DOT1L: variants seen among roughly 807,000 people sequenced by gnomAD.
DOT1L encodes histone-lysine N-methyltransferase, H3 lysine-79 specific.
In DOT1L, 33 loss-of-function variants were observed where a neutral mutation model predicts 153.3. That is an observed-to-expected ratio of 0.22 (90% CI 0.16 to 0.29). The LOEUF is 0.29. Among genes scored for constraint, DOT1L ranks in the 10% least tolerant of loss-of-function variants. The pLI is 1.00. For synonymous variants in DOT1L, 1,135 were observed against 965.1 expected, an observed-to-expected ratio of 1.18 and a Z score of -3.26; for missense variants, 1,847 against 2,119.9, an observed-to-expected ratio of 0.87 and a Z score of 2.53.
rs1277475130 is a variant in DOT1L, at chr19:2,211,148, G to A, written c.1401G>A (p.Val467=). The part of the protein sequence containing the change: ...HSPFYQLPPS[V]QRHSPNPLLV... The stretch of plus-strand genomic sequence containing the variant: ...CGTTCTACCAGCTACCTCCGAGCGT[G>A]CAGCGGCACTCCCCCAACCCGCTGC... Residue 467 remains valine (V), a synonymous_variant, in exon 15 of 28, where the codon GTG becomes GTA. Coordinates refer to ENST00000398665, the MANE Select transcript of DOT1L (RefSeq NM_032482.3). The A allele has an allele frequency of 6.2e-7, 1 of 1,612,848 alleles. No individual in the cohort carries two copies. Among genetic ancestry groups the A allele is most frequent in the African/African-American group, 1.3e-5 (1 of 74,930 alleles).
Position 2,230,212 on chromosome 19 carries a change from A to G in DOT1L, c.*420A>G, listed in dbSNP as rs1268863469. On this transcript the variant is annotated 3_prime_UTR_variant, in exon 28 of 28. Transcript: ENST00000398665. ...TGCCTCCACCCGCTTGGTGCTGACT[A>G]GACGCTGACAACGCCGAACCCCGTT... 7.1e-6 allele frequency: 3 copies of G among 422,260 alleles called. No individual in the cohort carries two copies. The highest frequency in any genetic ancestry group is 2.1e-5 in the African/African-American group (1 of 48,684). The allele number at this position is 422,260 out of a possible 1,614,324, so 26.2% of individuals were successfully genotyped here. A position where few individuals can be genotyped will look rare whatever the true frequency, so the allele number is the denominator to read the frequency against.
chr19:2,210,333 CCT>C, intron 12 of DOT1L, 65 bp from the exon 13 acceptor site: 2 of 1,361,944 alleles, frequency 1.5e-6, no homozygotes, highest in Non-Finnish European at 1.9e-6. Flanking sequence ...GCTCCGCGTG[CCT>C]CTCGGTGCAG....
At chr19:2,219,995 C>A (rs923922753) in intron 22 of DOT1L, 113 bp from the exon 23 acceptor site, 1 of 936,944 alleles carries the variant, frequency 1.1e-6, no homozygotes, top group Admixed American at 2.6e-5. Context: ...TGGACGGTGA[C>A]CCCGGCGGCC....
intron 9 of DOT1L, 56 bp downstream of exon 9, chr19:2,202,835 C>T (rs563400344): frequency 8.2e-6 from 13 of 1,584,678 alleles, no homozygotes; most frequent in Admixed American, 3.3e-5. Flanking sequence ...GGAAGGGTGG[C>T]CAGGAGGTCC....
In DOT1L at chr19:2,217,534, G is replaced by A. The variant is rs1238352204; in HGVS notation, c.2545-238G>A. On this transcript the variant is annotated intron_variant, in intron 21 of 27. Transcript: ENST00000398665. This position sits in a 1 kb window ranked among gnomAD's most constrained non-coding sequence, Gnocchi z 7.3. Reference sequence around the variant, plus strand: ...CGGGTGACTGCCCACCGAGCCGGGCGGGCAGGCTGGAGGGGACAGATGGGC... The same window carrying A: ...CGGGTGACTGCCCACCGAGCCGGGCAGGCAGGCTGGAGGGGACAGATGGGC... 2.6e-5 allele frequency among the ~76,000 whole-genome samples: 4 copies of A among 152,142 alleles called. No individual in the cohort carries two copies. The highest frequency in any genetic ancestry group is 5.9e-5 in the Non-Finnish European group (4 of 68,008).
chr19:2,216,467 T>C lies in DOT1L; in HGVS notation c.2110T>C (p.Leu704=), dbSNP rs1330361138. The change falls in exon 20 of 28, where the codon TTG becomes CTG. Residue 704 remains leucine (L), a synonymous_variant. Coordinates refer to ENST00000398665, the MANE Select transcript of DOT1L (RefSeq NM_032482.3). ...LDCTKFSLPH[L]SSMSPELSMN... is the part of the protein sequence containing the mutation. ...CTGCACCAAGTTCTCGCTGCCTCAC[T>C]TGAGCAGCATGAGCCCGGAGCTCTC... The C allele has an allele frequency of 6.2e-7, 1 of 1,612,690 alleles. No individual in the cohort carries two copies. The highest frequency in any genetic ancestry group is 1.7e-5 in the Admixed American group (1 of 60,034).
intron 9 of DOT1L, among the ~76,000 whole-genome samples, chr19:2,205,485 C>G (rs1198731563): frequency 6.6e-6 from 1 of 152,170 alleles, no homozygotes; most frequent in African/African-American, 2.4e-5. Context: ...CGGGGTTTCA[C>G]TGTGTTGGTC....
intron 1 of DOT1L, among the ~76,000 whole-genome samples, chr19:2,174,806 A>G (rs1220884666): frequency 6.6e-6 from 1 of 151,456 alleles, no homozygotes; most frequent in Non-Finnish European, 1.5e-5. Flanking sequence ...AAAAAAGCAA[A>G]AACTTTTTTT....
At chr19:2,183,820 T>A (rs1291428908) in intron 2 of DOT1L, among the ~76,000 whole-genome samples, 1 of 151,914 alleles carries the variant, frequency 6.6e-6, no homozygotes, top group Non-Finnish European at 1.5e-5. Flanking sequence ...AGAGACAGGG[T>A]TTCACCATGT....
At chr19:2,183,023 C>T (rs902981299) in intron 2 of DOT1L, among the ~76,000 whole-genome samples, 2 of 152,172 alleles carry the variant, frequency 1.3e-5, no homozygotes, top group South Asian at 2.1e-4. Flanking sequence ...TGCTTTCTCC[C>T]GTGCATCCCC....
intron 16 of DOT1L, chr19:2,213,092 T>G (rs1468978461): frequency 2.5e-5 from 4 of 162,796 alleles, no homozygotes; most frequent in African/African-American, 9.6e-5. Context: ...TCTCTGCTGG[T>G]GTCTGAAGGT....
At chr19:2,188,189 C>T (rs982038494) in intron 3 of DOT1L, 3 of 152,288 alleles carry the variant, frequency 2.0e-5, no homozygotes, top group East Asian at 1.9e-4. Context: ...TTGCTTTATC[C>T]TATGCAGCTG....
chr19:2,231,162 C>A lies in DOT1L; in HGVS notation c.*1370C>A, dbSNP rs1175622939. 4.4e-6 allele frequency: 1 copy of A among 227,650 alleles called. No homozygotes were observed. Among genetic ancestry groups the A allele is most frequent in the African/African-American group, 2.2e-5 (1 of 44,952 alleles). The allele number at this position is 227,650 out of a possible 1,614,324, so 14.1% of individuals were successfully genotyped here. ...TGTCTGAGCAGTGGTGGCTCTGTGC[C>A]CTCCCTGGAGGATGGGATCTGGGAG... On this transcript the variant is annotated 3_prime_UTR_variant, in exon 28 of 28. Transcript: ENST00000398665.
At position 2,220,568 on chromosome 19, in the gene DOT1L, A is replaced by T; in HGVS notation, c.2806+346A>T. 1.3e-5 allele frequency: 6 copies of T among 471,684 alleles called. No individual in the cohort carries two copies. The highest frequency in any genetic ancestry group is 1.2e-4 in the East Asian group (2 of 16,068). The allele number at this position is 471,684 out of a possible 1,614,324, so 29.2% of individuals were successfully genotyped here. On this transcript the variant is annotated intron_variant, in intron 23 of 27. Coordinates refer to ENST00000398665, the MANE Select transcript of DOT1L (RefSeq NM_032482.3). The surrounding 1 kb of genome is among the most constrained non-coding windows in gnomAD (Gnocchi z 4.5). ...ACTCAGGATCGGCTCCACACACAGC[A>T]GTGCCCAATGGCACACGACCGTGGG...
chr19:2,228,736 C>T, intron 27 of DOT1L: 5 of 985,408 alleles, frequency 5.1e-6, no homozygotes, highest in Non-Finnish European at 6.0e-6. Context: ...TCCAGGGCTC[C>T]ATCCGCACCA....
chr19:2,199,841 A>G, intron 7 of DOT1L, 43 bp from the exon 8 acceptor site: 1 of 1,603,340 alleles, frequency 6.2e-7, no homozygotes, highest in Non-Finnish European at 8.5e-7. Flanking sequence ...TGGGAGTGCC[A>G]GGGAGGCCGG....
chr19:2,188,482 C>CG, intron 3 of DOT1L, among the ~76,000 whole-genome samples: 2 of 77,212 alleles, frequency 2.6e-5, no homozygotes, highest in East Asian at 3.6e-4. Flanking sequence ...CAGCCGCCGC[C>CG]CCCCCCCCCC....
rs1272156822 is a variant in DOT1L at position 2,208,328 on chromosome 19, T to TA, written c.964-606dup. Among the ~76,000 whole-genome samples, 2 of 152,090 alleles carry TA rather than the reference T, an allele frequency of 1.3e-5. No homozygotes were observed. Among genetic ancestry groups the TA allele is most frequent in the Non-Finnish European group, 2.9e-5 (2 of 67,992 alleles). ...TTGTTGGGGTAGCGGTGGTTTTCCT[T>TA]ACGGTGGTGCTGGTGTGTCTGCACC... On this transcript the variant is annotated intron_variant, in intron 11 of 27. Transcript: ENST00000398665. The surrounding 1 kb of genome is among the most constrained non-coding windows in gnomAD (Gnocchi z 4.4).
At position 2,216,951 on chromosome 19, in the gene DOT1L, C is replaced by T. The variant is rs1016008957; in HGVS notation, c.2409-4C>T. On this transcript the variant is annotated splice_polypyrimidine_tract_variant and splice_region_variant and intron_variant, in intron 20 of 27. Transcript: ENST00000398665. ...TCGAGAGTGACTGCAGCTTCTCATT[C>T]CAGAGCTGAGCACACCAAGGAGAAC... 1.9e-6 allele frequency: 3 copies of T among 1,609,756 alleles called. No individual in the cohort carries two copies. The highest frequency in any genetic ancestry group is 1.3e-5 in the African/African-American group (1 of 74,854).
Sources: gnomAD v4.1 joint callset for allele counts (sites outside exome capture counted in the v4.1 genomes callset) on GRCh38, gnomAD v4.1.1 for gene constraint, Gnocchi (gnomAD v3.1) non-coding constraint, MANE v1.5 for transcripts, NCBI Gene and HGNC (gene_info 2026-07-23, HGNC 2026-07-21) for gene names.